Variants in COL10A1 observed in about 807,000 individuals in gnomAD.
COL10A1 encodes the protein collagen alpha-1(X) chain.
Under a neutral mutation model 18.2 loss-of-function variants are expected in COL10A1, and 10 were observed. The ratio of observed to expected loss-of-function variants is 0.55; its 90% CI spans 0.34 to 0.93. The LOEUF (loss-of-function observed/expected upper bound fraction) is 0.93, where lower values mean the gene tolerates loss of function less well. Among genes scored for constraint, COL10A1 ranks in the 40% least tolerant of loss-of-function variants. COL10A1 has a pLI of 0.02. For synonymous variants in COL10A1, 330 were observed against 316.6 expected, an observed-to-expected ratio of 1.04 and a Z score of -0.45; for missense variants, 897 against 853.5, an observed-to-expected ratio of 1.05 and a Z score of -0.64.
At chr6:116,142,906 C>G (rs879711896) in intron 1 of COL10A1, among the ~76,000 whole-genome samples, 6 of 152,136 alleles carry the variant, frequency 3.9e-5, no homozygotes, top group Admixed American at 1.3e-4. Flanking sequence ...ACATGGAAAT[C>G]AAACAAATTC....
At chr6:116,125,924 T>C (rs896527253) in intron 1 of COL10A1, 129 bp downstream of exon 1, 2 of 159,218 alleles carry the variant, frequency 1.3e-5, no homozygotes, top group African/African-American at 2.4e-5. Flanking sequence ...TTGGAGTGCA[T>C]TTTAGTAGAA....
the COL10A1 span, among the ~76,000 whole-genome samples, chr6:116,183,586 T>G: frequency 6.6e-6 from 1 of 152,036 alleles, no homozygotes; most frequent in African/African-American, 2.4e-5. Flanking sequence ...TTTTGTAGTT[T>G]TCCTTGTAGA....
the COL10A1 span, among the ~76,000 whole-genome samples, chr6:116,210,270 CT>C: frequency 1.3e-5 from 2 of 151,664 alleles, no homozygotes; most frequent in Non-Finnish European, 2.9e-5. Flanking sequence ...CAAAAAGAAG[CT>C]AATTTGATTT....
chr6:116,199,729 C>G, the COL10A1 span, among the ~76,000 whole-genome samples: 201 of 151,938 alleles, frequency 1.3e-3, no homozygotes, highest in African/African-American at 4.5e-3. Context: ...GGATAGAGCT[C>G]CCAATGGCTA....
At chr6:116,159,035 T>C (rs1007043282), upstream of COL10A1, among the ~76,000 whole-genome samples, 1 of 152,226 alleles carries the variant, frequency 6.6e-6, no homozygotes, top group African/African-American at 2.4e-5. Flanking sequence ...TAGTTTTAAT[T>C]AATAAATCTA....
chr6:116,165,916 C>T, the COL10A1 span, among the ~76,000 whole-genome samples: 1 of 152,206 alleles, frequency 6.6e-6, no homozygotes, highest in South Asian at 2.1e-4. Context: ...AATGAATGCA[C>T]AACCAGTATG....
the COL10A1 span, among the ~76,000 whole-genome samples, chr6:116,183,567 T>G: frequency 3.9e-5 from 6 of 152,078 alleles, no homozygotes; most frequent in Non-Finnish European, 7.4e-5. Flanking sequence ...GTGATTTCTT[T>G]CAGCAATGTT....
chr6:116,175,619 T>C, the COL10A1 span, among the ~76,000 whole-genome samples: 863 of 152,326 alleles, frequency 5.7e-3, 17 homozygotes, highest in South Asian at 0.046. Flanking sequence ...GACACAGTTT[T>C]TTTCTCTTTG....
chr6:116,171,331 A>T, the COL10A1 span, among the ~76,000 whole-genome samples: 1 of 152,188 alleles, frequency 6.6e-6, no homozygotes, highest in Non-Finnish European at 1.5e-5. Flanking sequence ...GAAAAGCATT[A>T]TTTTGTGGAT....
the COL10A1 span, among the ~76,000 whole-genome samples, chr6:116,196,221 A>G: frequency 6.6e-6 from 1 of 152,010 alleles, no homozygotes; most frequent in South Asian, 2.1e-4. Context: ...TCACCCAGCA[A>G]TGACCTTCAG....
the COL10A1 span, among the ~76,000 whole-genome samples, chr6:116,172,621 C>T: frequency 4.6e-5 from 7 of 152,032 alleles, no homozygotes; most frequent in Non-Finnish European, 1.0e-4. Context: ...CGCCAGGCCA[C>T]ACCTTAGTAA....
intron 1 of COL10A1, among the ~76,000 whole-genome samples, chr6:116,156,277 G>A (rs1780191653): frequency 1.3e-5 from 2 of 151,902 alleles, no homozygotes; most frequent in East Asian, 3.9e-4. Context: ...TAATTTTCCG[G>A]CAAAACTAAT....
chr6:116,134,599 G>A (rs1779544035), intron 1 of COL10A1, among the ~76,000 whole-genome samples: 1 of 152,100 alleles, frequency 6.6e-6, no homozygotes, highest in Admixed American at 6.5e-5. Flanking sequence ...GGATGCCCAG[G>A]GATAGGGCCA....
intron 2 of COL10A1, among the ~76,000 whole-genome samples, chr6:116,124,142 C>A (rs924971728): frequency 2.6e-5 from 4 of 151,792 alleles, no homozygotes; most frequent in African/African-American, 9.7e-5. Flanking sequence ...TATTAAGTTT[C>A]CTTTTGTGAA....
At chr6:116,188,359 T>C in the COL10A1 span, among the ~76,000 whole-genome samples, 2 of 152,058 alleles carry the variant, frequency 1.3e-5, no homozygotes, top group Non-Finnish European at 2.9e-5. Context: ...TCCAGAATGT[T>C]CTTAGTGGCA....
chr6:116,212,848 G>A, the COL10A1 span, among the ~76,000 whole-genome samples: 10 of 152,136 alleles, frequency 6.6e-5, no homozygotes, highest in East Asian at 1.5e-3. Context: ...TTAAATACTT[G>A]TTAATTTTGG....
At chr6:116,124,300 T>G (rs1398469051) in intron 2 of COL10A1, among the ~76,000 whole-genome samples, 2 of 152,224 alleles carry the variant, frequency 1.3e-5, no homozygotes, top group African/African-American at 4.8e-5. Context: ...TAAAAAATTA[T>G]GGAAAGGGAG....
chr6:116,182,222 A>AGAGTGTGTGTGTGTGTGTGTGTGTGTGT, the COL10A1 span, among the ~76,000 whole-genome samples: 3 of 124,688 alleles, frequency 2.4e-5, no homozygotes, highest in South Asian at 5.7e-4. Flanking sequence ...TTCCATGGAG[A>AGAGTGTGTGTGTGTGTGTGTGTGTGTGT]GTGTGTGTGT....
chr6:116,161,160 G>A (rs1391487098), upstream of COL10A1, among the ~76,000 whole-genome samples: 4 of 136,980 alleles, frequency 2.9e-5, no homozygotes, highest in African/African-American at 8.2e-5. Context: ...ATGGACACAG[G>A]AAGGGGAACA....
Sources: allele counts gnomAD v4.1 joint callset (sites outside exome capture counted in the v4.1 genomes callset), GRCh38; gene constraint gnomAD v4.1.1; transcripts MANE v1.5; gene names NCBI Gene and HGNC (gene_info 2026-07-23, HGNC 2026-07-21).